Variants in RHOA observed in about 807,000 individuals in gnomAD.
RHOA encodes ras homolog family member A.
In RHOA, 3 loss-of-function variants were observed where a neutral mutation model predicts 17.5. The ratio of observed to expected loss-of-function variants is 0.17; its 90% CI spans 0.08 to 0.44. The LOEUF is 0.44. Ranked by LOEUF, RHOA falls within the 20% of genes least tolerant of loss-of-function variation. The probability of loss-of-function intolerance (pLI) is 0.99; values close to 1 mark genes in which losing one functional copy is unlikely to be tolerated. For missense variants in RHOA, 56 were observed against 242.3 expected, an observed-to-expected ratio of 0.23 and a Z score of 5.10; for synonymous variants, 98 against 88.4, an observed-to-expected ratio of 1.11 and a Z score of -0.61.
At chr3:49,363,415 CAAAT>C (rs544266897) in intron 3 of RHOA, among the ~76,000 whole-genome samples, 214 of 152,048 alleles carry the variant, frequency 1.4e-3, no homozygotes, top group Middle Eastern at 6.8e-3. Flanking sequence ...GACTCCGTCT[CAAAT>C]AAAAAAAAGT....
chr3:49,401,456 C>T (rs150386818), intron 1 of RHOA, among the ~76,000 whole-genome samples: 4 of 151,706 alleles, frequency 2.6e-5, no homozygotes, highest in African/African-American at 9.7e-5. Context: ...AGTTTGACAC[C>T]AGCCTGGGCA....
At chr3:49,405,733 G>C (rs191875527) in intron 1 of RHOA, among the ~76,000 whole-genome samples, 1 of 151,826 alleles carries the variant, frequency 6.6e-6, no homozygotes, top group Non-Finnish European at 1.5e-5. Flanking sequence ...TCTGTTGCCC[G>C]GGCTGGAGTG....
chr3:49,400,186 T>A lies in RHOA; in HGVS notation c.-3+11634A>T, dbSNP rs552760574. ...GAGACCGCGCCACTGCACTCCAGCC[T>A]GGGTGACAGAGCGAGACTCCATCTC... On this transcript the variant is annotated intron_variant, in intron 1 of 4. Transcript: ENST00000418115. 1.3e-3 allele frequency among the ~76,000 whole-genome samples: 182 copies of A among 141,858 alleles called. 1 individual carries two copies. Among genetic ancestry groups the A allele is most frequent in the African/African-American group, 4.7e-3 (178 of 37,714 alleles). The allele number at this position is 141,858 out of a possible 152,430, so 93.1% of individuals were successfully genotyped here. A position where few individuals can be genotyped will look rare whatever the true frequency, so the allele number is the denominator to read the frequency against.
At chr3:49,391,303 G>C (rs182640693) in intron 1 of RHOA, among the ~76,000 whole-genome samples, 1 of 149,670 alleles carries the variant, frequency 6.7e-6, no homozygotes, top group East Asian at 2.0e-4. Context: ...GAGGCAGGAA[G>C]ATCAGTTGAA....
Position 49,403,116 on chromosome 3 carries a change from C to T in RHOA, c.-3+8704G>A, listed in dbSNP as rs549961898. Among the ~76,000 whole-genome samples the T allele has an allele frequency of 4.6e-5, 7 of 151,336 alleles. No homozygotes were observed. In the East Asian group the frequency reaches 1.2e-3, roughly 25 times the overall value. ...CAACACTTTGGGAAGCAGAGGCAGG[C>T]GGATCACAAGATCAGATCGAGACCA... On this transcript the variant is annotated intron_variant, in intron 1 of 4. Coordinates refer to ENST00000418115, the MANE Select transcript of RHOA (RefSeq NM_001664.4).
At chr3:49,368,119 C>A (rs751970496) in intron 3 of RHOA, among the ~76,000 whole-genome samples, 3 of 151,996 alleles carry the variant, frequency 2.0e-5, no homozygotes, top group Non-Finnish European at 4.4e-5. Context: ...ACCATGTTGG[C>A]CAGGCTGGTC....
chr3:49,404,328 C>T (rs2048776358), intron 1 of RHOA, among the ~76,000 whole-genome samples: 1 of 149,298 alleles, frequency 6.7e-6, no homozygotes, highest in Non-Finnish European at 1.5e-5. Flanking sequence ...GGCGCAGTGG[C>T]TCACACCCGT....
chr3:49,392,083 C>T (rs1400603040), intron 1 of RHOA, among the ~76,000 whole-genome samples: 2 of 151,810 alleles, frequency 1.3e-5, no homozygotes, highest in African/African-American at 4.8e-5. Flanking sequence ...AGCCTCAGCC[C>T]CCGCAAAGTG....
intron 4 of RHOA, among the ~76,000 whole-genome samples, chr3:49,362,126 G>C (rs1260429764): frequency 6.6e-6 from 1 of 152,058 alleles, no homozygotes; most frequent in Non-Finnish European, 1.5e-5. Flanking sequence ...GGCGGAGGTT[G>C]CAGTGAGCTG....
At chr3:49,369,037 T>TG (rs2048107290) in intron 2 of RHOA, among the ~76,000 whole-genome samples, 2 of 94,810 alleles carry the variant, frequency 2.1e-5, no homozygotes, top group African/African-American at 8.5e-5. Context: ...TTTTTTTTTT[T>TG]TTGTTGAGAC....
chr3:49,394,703 GC>G (rs1269292376), intron 1 of RHOA, among the ~76,000 whole-genome samples: 7 of 152,160 alleles, frequency 4.6e-5, no homozygotes, highest in African/African-American at 1.7e-4. Context: ...TAGAGATACA[GC>G]TTTATCTGGA....
At chr3:49,408,338 C>T (rs1227435800) in intron 1 of RHOA, among the ~76,000 whole-genome samples, 1 of 151,524 alleles carries the variant, frequency 6.6e-6, no homozygotes, top group East Asian at 1.9e-4. Context: ...ACATACTCAT[C>T]CTCTTCAAAA....
intron 1 of RHOA, among the ~76,000 whole-genome samples, chr3:49,400,938 C>A (rs539313584): frequency 2.8e-5 from 4 of 145,104 alleles, no homozygotes; most frequent in African/African-American, 1.0e-4. Context: ...CCCAGCTATT[C>A]GGGAGGCTGA....
chr3:49,402,437 T>C (rs1345612715), intron 1 of RHOA, among the ~76,000 whole-genome samples: 1 of 151,974 alleles, frequency 6.6e-6, no homozygotes, highest in African/African-American at 2.4e-5. Context: ...ACACCTATAA[T>C]CCCACCACTT....
At chr3:49,400,303 C>G (rs1476523205) in intron 1 of RHOA, among the ~76,000 whole-genome samples, 1 of 150,970 alleles carries the variant, frequency 6.6e-6, no homozygotes. Context: ...AAACTGGCCA[C>G]CCCCCACCAC....
intron 1 of RHOA, among the ~76,000 whole-genome samples, chr3:49,378,880 G>A (rs924670204): frequency 2.0e-5 from 3 of 152,040 alleles, no homozygotes; most frequent in Non-Finnish European, 4.4e-5. Context: ...ACAAGCATAA[G>A]CCACCTCCCC....
chr3:49,361,264 A>T (rs2047966650), intron 4 of RHOA, among the ~76,000 whole-genome samples: 1 of 152,148 alleles, frequency 6.6e-6, no homozygotes, highest in African/African-American at 2.4e-5. Flanking sequence ...TACTCAAGCT[A>T]CCAATCCAGG....
At chr3:49,385,254 T>A (rs62259942) in intron 1 of RHOA, among the ~76,000 whole-genome samples, 61,035 of 143,588 alleles carry the variant, frequency 0.43, 14,345 homozygotes, top group East Asian at 0.93. Flanking sequence ...AGAGTCTTAC[T>A]CTGTCGCCCA....
intron 1 of RHOA, among the ~76,000 whole-genome samples, chr3:49,378,240 CTTTTTTTTTT>C (rs71077802): frequency 1.6e-5 from 1 of 60,678 alleles, no homozygotes; most frequent in African/African-American, 6.1e-5. Context: ...ATCCATCTAT[CTTTTTTTTTT>C]TTTTTTTTTT....
Sources: allele counts gnomAD v4.1 joint callset (sites outside exome capture counted in the v4.1 genomes callset), GRCh38; gene constraint gnomAD v4.1.1; transcripts MANE v1.5; gene names NCBI Gene and HGNC (gene_info 2026-07-23, HGNC 2026-07-21).